Variants in TRPM2 observed in about 807,000 individuals in gnomAD.
TRPM2 encodes estrogen-responsive element-associated gene 1 protein.
Under a neutral mutation model 174.0 loss-of-function variants are expected in TRPM2, and 161 were observed. The observed-to-expected ratio is 0.93, with a 90% CI of 0.81 to 1.05. The LOEUF is 1.05. TRPM2 is among the 50% of genes least tolerant of loss of function. The pLI, the probability that TRPM2 is intolerant of heterozygous loss-of-function variation, is 0.00. For missense variants in TRPM2, 2,057 were observed against 2,038.0 expected, an observed-to-expected ratio of 1.01 and a Z score of -0.18; for synonymous variants, 954 against 861.3, an observed-to-expected ratio of 1.11 and a Z score of -1.88.
chr21:44,406,987 G>C (rs1360902789), intron 19 of TRPM2, among the ~76,000 whole-genome samples: 4 of 150,028 alleles, frequency 2.7e-5, no homozygotes, highest in South Asian at 4.2e-4. Context: ...GTGGGGGTGA[G>C]TGGTGCCACG....
Position 44,439,016 on chromosome 21 carries a change from A to T in TRPM2, c.4168-51A>T. The T allele has an allele frequency of 6.6e-7, 1 of 1,507,656 alleles. No individual in the cohort carries two copies. The highest frequency in any genetic ancestry group is 9.1e-7 in the Non-Finnish European group (1 of 1,094,512). The allele number at this position is 1,507,656 out of a possible 1,614,324, so 93.4% of individuals were successfully genotyped here. ...TGGAGACGGGTGCCAGGGCAGCCTG[A>T]GGTCCCGCTTCGGTGCCCTGTTGAC... On this transcript the variant is annotated intron_variant, in intron 29 of 31. Coordinates refer to ENST00000397928, the MANE Select transcript of TRPM2 (RefSeq NM_003307.4). This position sits in a 1 kb window ranked among gnomAD's most constrained non-coding sequence, Gnocchi z 5.1.
intron 11 of TRPM2, among the ~76,000 whole-genome samples, chr21:44,393,000 T>C (rs1273695454): frequency 2.6e-5 from 4 of 152,058 alleles, no homozygotes; most frequent in Admixed American, 2.6e-4. Context: ...TCTCCAACCT[T>C]ATTCAAGGGA....
rs1028257048 is a variant in TRPM2 at position 44,399,781 on chromosome 21, C to A, written c.2208+340C>A. Among the ~76,000 whole-genome samples the A allele has an allele frequency of 6.6e-6, 1 of 152,168 alleles. No homozygotes were observed. Among genetic ancestry groups the A allele is most frequent in the Non-Finnish European group, 1.5e-5 (1 of 68,016 alleles). ...CCCTGGAGGGATAAGCGGGACACGG[C>A]GTGTCCTCCCTGGAGCAGCAGGGGC... is the stretch of plus-strand genomic sequence containing the variant. On this transcript the variant is annotated intron_variant, in intron 14 of 31. Transcript: ENST00000397928. The surrounding 1 kb of genome is among the most constrained non-coding windows in gnomAD (Gnocchi z 4.6).
chr21:44,425,524 T>C, intron 24 of TRPM2, 146 bp from the exon 25 acceptor site: 2 of 986,672 alleles, frequency 2.0e-6, no homozygotes, highest in South Asian at 2.0e-5. Context: ...TCAGAGCTGG[T>C]GTTCGACCTG....
Position 44,401,724 on chromosome 21 carries a change from C to T in TRPM2, c.2365C>T (p.Arg789Cys), listed in dbSNP as rs769715402. The change falls in exon 16 of 32, where the codon CGT becomes TGT. Residue 789 changes from arginine to cysteine, a missense_variant. Transcript: ENST00000397928. ...QDVGTPAARA[R>C]AFFTAPVVVF... ...TGTGGGCACCCCCGCGGCCCGCGCCCGTGCCTTCTTCACCGCACCCGTGGT... is the reference window on the plus strand; with the variant it reads ...TGTGGGCACCCCCGCGGCCCGCGCCTGTGCCTTCTTCACCGCACCCGTGGT... 16 of 1,613,242 alleles carry T rather than the reference C, an allele frequency of 9.9e-6. No individual in the cohort carries two copies. The highest frequency in any genetic ancestry group is 3.3e-4 in the Middle Eastern group (2 of 6,082).
At chr21:44,353,447 G>C, upstream of TRPM2, 1 of 397,374 alleles carries the variant, frequency 2.5e-6, no homozygotes, top group East Asian at 4.8e-5. Context: ...CTCCCCCAGA[G>C]TGTCCGGGGG....
intron 2 of TRPM2, among the ~76,000 whole-genome samples, chr21:44,361,408 C>A (rs945919348): frequency 6.6e-6 from 1 of 152,312 alleles, no homozygotes; most frequent in South Asian, 2.1e-4. Flanking sequence ...CTACCACACT[C>A]GGCGTTGTGT....
chr21:44,353,999 C>T (rs994431921), intron 1 of TRPM2, 134 bp downstream of exon 1: 1 of 1,084,668 alleles, frequency 9.2e-7, no homozygotes, highest in Non-Finnish European at 1.3e-6. Flanking sequence ...CCCAACCATA[C>T]CTTTGGGAGA....
chr21:44,401,544 C>T (rs1409691618), intron 15 of TRPM2, 137 bp from the exon 16 acceptor site: 1 of 845,054 alleles, frequency 1.2e-6, no homozygotes, highest in Non-Finnish European at 1.9e-6. Context: ...CGTTATGGCC[C>T]CGGATCCCTG....
At chr21:44,417,060 A>G (rs2050314776) in intron 20 of TRPM2, among the ~76,000 whole-genome samples, 1 of 111,726 alleles carries the variant, frequency 9.0e-6, no homozygotes, top group South Asian at 3.7e-4. Context: ...TCTCTGTGGC[A>G]TCACAGTGGG....
chr21:44,372,333 G>A (rs989515296), intron 5 of TRPM2, among the ~76,000 whole-genome samples: 2 of 151,992 alleles, frequency 1.3e-5, no homozygotes, highest in East Asian at 1.9e-4. Flanking sequence ...GAGAAACCCC[G>A]TCTCTACAAA....
chr21:44,382,255 A>G (rs1352234670), intron 8 of TRPM2, among the ~76,000 whole-genome samples: 1 of 152,224 alleles, frequency 6.6e-6, no homozygotes, highest in Admixed American at 6.5e-5. Context: ...TTATGTAGAT[A>G]GATGGATAGA....
chr21:44,408,418 C>T lies in TRPM2; in HGVS notation c.2962+1653C>T, dbSNP rs533803325. ...CTGGGCTGTTTTCCAAAGAACCGGC[C>T]GCATTCCACATTCCTGCCTGCCCAG... On this transcript the variant is annotated intron_variant, in intron 19 of 31. Transcript: ENST00000397928. Among the ~76,000 whole-genome samples the T allele has an allele frequency of 1.1e-4, 17 of 151,988 alleles. No individual in the cohort carries two copies. In the East Asian group the frequency reaches 2.3e-3, roughly 21 times the overall value.
At position 44,417,977 on chromosome 21, in the gene TRPM2, A is replaced by G. The variant is rs1182412695; in HGVS notation, c.3197A>G (p.Gln1066Arg). 2 of 1,612,920 alleles carry G rather than the reference A, an allele frequency of 1.2e-6. No homozygotes were observed. The highest frequency in any genetic ancestry group is 1.3e-5 in the African/African-American group (1 of 74,928). Residue 1066 changes from glutamine to arginine, a missense_variant, in exon 21 of 32, where the codon CAG becomes CGG. By Grantham distance (43) the Gln-to-Arg change is conservative. Coordinates refer to ENST00000397928, the MANE Select transcript of TRPM2 (RefSeq NM_003307.4). ...CACACGGACCAGATTTGGAAGTTCC[A>G]GCGCCATGACCTGATCGAGGAGTAC... is the stretch of plus-strand genomic sequence containing the variant. ...QEHTDQIWKFQRHDLIEEYHG... is the reference protein window; with the variant it reads ...QEHTDQIWKFRRHDLIEEYHG...
intron 22 of TRPM2, chr21:44,422,234 A>G (rs2050576552): frequency 1.3e-6 from 2 of 1,532,068 alleles, no homozygotes; most frequent in Non-Finnish European, 1.7e-6. Flanking sequence ...TGCAGCACTG[A>G]GGTGAGCTGA....
intron 2 of TRPM2, among the ~76,000 whole-genome samples, chr21:44,362,351 A>G (rs1316760174): frequency 6.8e-6 from 1 of 147,766 alleles, no homozygotes; most frequent in Non-Finnish European, 1.5e-5. Flanking sequence ...AAAAATACAA[A>G]AAAAAAAAAA....
At position 44,376,115 on chromosome 21, in the gene TRPM2, C is replaced by T. The variant is rs530867850; in HGVS notation, c.952+102C>T. ...CGACCAGGACGTTCAACAGGCCTGGCGTTTGGCAGAGAGTGCAGTGGGCTG... is the reference window on the plus strand; with the variant it reads ...CGACCAGGACGTTCAACAGGCCTGGTGTTTGGCAGAGAGTGCAGTGGGCTG... On this transcript the variant is annotated intron_variant, in intron 6 of 31. Coordinates refer to ENST00000397928, the MANE Select transcript of TRPM2 (RefSeq NM_003307.4). The surrounding 1 kb of genome is among the most constrained non-coding windows in gnomAD (Gnocchi z 4.2). 1.9e-4 allele frequency: 269 copies of T among 1,395,796 alleles called. 3 individuals carry two copies. The highest frequency in any genetic ancestry group is 4.1e-4 in the Middle Eastern group (2 of 4,902). The allele number at this position is 1,395,796 out of a possible 1,614,324, so 86.5% of individuals were successfully genotyped here.
chr21:44,398,610 A>G (rs1055124984), intron 13 of TRPM2, among the ~76,000 whole-genome samples: 2 of 152,016 alleles, frequency 1.3e-5, no homozygotes, highest in African/African-American at 4.8e-5. Context: ...GGTTCTTCTC[A>G]CTGTCTACTA....
chr21:44,403,469 C>T (rs996490154), intron 16 of TRPM2, among the ~76,000 whole-genome samples: 1 of 152,132 alleles, frequency 6.6e-6, no homozygotes, highest in Non-Finnish European at 1.5e-5. Flanking sequence ...CACACACACA[C>T]ATGCACACAC....
Sources: gnomAD v4.1 joint callset for allele counts (sites outside exome capture counted in the v4.1 genomes callset) on GRCh38, gnomAD v4.1.1 for gene constraint, Gnocchi (gnomAD v3.1) non-coding constraint, MANE v1.5 for transcripts, NCBI Gene and HGNC (gene_info 2026-07-23, HGNC 2026-07-21) for gene names.